SAMMSON: variants seen among roughly 807,000 people sequenced by gnomAD.
SAMMSON encodes survival associated mitochondrial melanoma specific oncogenic non-coding RNA, also known as long intergenic non-protein coding RNA 1212.
intron 9 of SAMMSON, among the ~76,000 whole-genome samples, chr3:70,368,186 C>G (rs1702936030): frequency 6.6e-6 from 1 of 151,412 alleles, no homozygotes; most frequent in African/African-American, 2.4e-5. Context: ...AACTCATCCT[C>G]AAATTCAAAG....
intron 3 of SAMMSON, among the ~76,000 whole-genome samples, chr3:70,034,274 C>A (rs1424300654): frequency 6.6e-6 from 1 of 152,098 alleles, no homozygotes; most frequent in African/African-American, 2.4e-5. Context: ...CACGATATTG[C>A]TATTCTCTAT....
intron 4 of SAMMSON, among the ~76,000 whole-genome samples, chr3:70,131,127 A>T (rs1355227596): frequency 6.6e-6 from 1 of 152,190 alleles, no homozygotes; most frequent in Admixed American, 6.5e-5. Flanking sequence ...AAAATAGAAG[A>T]TATATCATCT....
At chr3:70,339,367 C>G (rs1452457998) in intron 7 of SAMMSON, among the ~76,000 whole-genome samples, 1 of 152,102 alleles carries the variant, frequency 6.6e-6, no homozygotes, top group Non-Finnish European at 1.5e-5. Flanking sequence ...ACTAAAACAC[C>G]AAAAGCAATG....
In SAMMSON at chr3:70,366,103, G is replaced by A. The variant is rs1166041684; in HGVS notation, n.913+7779G>A. Among the ~76,000 whole-genome samples, 4 of 71,312 alleles carry A rather than the reference G, an allele frequency of 5.6e-5. 2 individuals are homozygous for A. In the Admixed American group the frequency reaches 6.8e-4, roughly 12 times the overall value. 46.8% of individuals were successfully genotyped at this position (71,312 alleles called of 152,430 possible). A position where few individuals can be genotyped will look rare whatever the true frequency, so the allele number is the denominator to read the frequency against. On this transcript the variant is annotated intron_variant and non_coding_transcript_variant, in intron 9 of 9. Coordinates refer to ENST00000642114, the Ensembl canonical transcript of SAMMSON. ...CTTCCCGGGTTCACGCCATTCTCCT[G>A]CCTCAGCCTCCCGAGTAGCTGGGAC...
chr3:70,337,207 CT>C (rs1449969124), intron 7 of SAMMSON, among the ~76,000 whole-genome samples: 1 of 146,544 alleles, frequency 6.8e-6, no homozygotes, highest in Non-Finnish European at 1.5e-5. Flanking sequence ...AATATATAAT[CT>C]AACTTAATAA....
In SAMMSON at chr3:70,414,110, C is replaced by T. The variant is rs538368370; in HGVS notation, n.234-48450C>T. On this transcript the variant is annotated intron_variant and non_coding_transcript_variant, in intron 2 of 3. Coordinates refer to the SAMMSON transcript ENST00000641053. ...AGATAACTTGGTTCTATTGAGAGGC[C>T]TCTGAAAATCTCTAGTTTCTGATCA... 5.3e-4 allele frequency among the ~76,000 whole-genome samples: 81 copies of T among 152,148 alleles called. No individual in the cohort carries two copies. The South Asian group carries it at 6.8e-3, about 13-fold the overall frequency.
At chr3:70,246,098 T>TA (rs1014599330) in intron 4 of SAMMSON, among the ~76,000 whole-genome samples, 42 of 150,410 alleles carry the variant, frequency 2.8e-4, no homozygotes, top group East Asian at 2.5e-3. Flanking sequence ...CTACACACCA[T>TA]AAAAAAAAAC....
At chr3:70,169,349 G>T (rs1175973004) in intron 4 of SAMMSON, among the ~76,000 whole-genome samples, 1 of 152,028 alleles carries the variant, frequency 6.6e-6, no homozygotes, top group Non-Finnish European at 1.5e-5. Flanking sequence ...AAAAGCATAT[G>T]ACGTTTTATG....
intron 4 of SAMMSON, among the ~76,000 whole-genome samples, chr3:70,080,292 C>G (rs747826578): frequency 2.0e-5 from 3 of 152,158 alleles, no homozygotes; most frequent in Non-Finnish European, 4.4e-5. Context: ...CTAGTCTGGT[C>G]CCTCCTTGCC....
intron 1 of SAMMSON, among the ~76,000 whole-genome samples, chr3:70,003,104 C>T (rs1035591895): frequency 2.0e-5 from 3 of 152,034 alleles, no homozygotes; most frequent in African/African-American, 7.2e-5. Context: ...TTATTTGCCT[C>T]TGTTTACTCC....
intron 6 of SAMMSON, among the ~76,000 whole-genome samples, chr3:70,266,614 T>A (rs939555882): frequency 9.9e-5 from 15 of 152,126 alleles, no homozygotes; most frequent in East Asian, 5.8e-4. Context: ...TTAATTTTTT[T>A]ATTTTTATTT....
At chr3:70,361,897 T>G (rs1702873702) in intron 9 of SAMMSON, among the ~76,000 whole-genome samples, 1 of 152,186 alleles carries the variant, frequency 6.6e-6, no homozygotes. Flanking sequence ...AACACTTTTC[T>G]GAGATGCTCT....
intron 7 of SAMMSON, among the ~76,000 whole-genome samples, chr3:70,309,949 T>A (rs1363838208): frequency 6.6e-6 from 1 of 152,192 alleles, no homozygotes; most frequent in Non-Finnish European, 1.5e-5. Flanking sequence ...GATTGGCCTA[T>A]CAATTTCATT....
rs200331507 is a variant in SAMMSON at position 70,341,863 on chromosome 3, T to C, written n.740-12312T>C. Among the ~76,000 whole-genome samples the C allele has an allele frequency of 1.9e-4, 29 of 152,342 alleles. 1 individual carries two copies. The East Asian group carries it at 5.2e-3, about 27-fold the overall frequency. On this transcript the variant is annotated intron_variant and non_coding_transcript_variant, in intron 7 of 9. Transcript: ENST00000642114. ...ATAAAAAAAAACTTTAAAAATATTG[T>C]TTATTGATATTGGATATACAAAAGA...
At chr3:70,342,102 T>C (rs183166036) in intron 7 of SAMMSON, among the ~76,000 whole-genome samples, 171 of 152,320 alleles carry the variant, frequency 1.1e-3, no homozygotes, top group African/African-American at 3.6e-3. Flanking sequence ...GTAGTCTGAA[T>C]ATAGCTTTTA....
intron 7 of SAMMSON, among the ~76,000 whole-genome samples, chr3:70,340,049 A>G (rs1233959191): frequency 6.6e-6 from 1 of 152,096 alleles, no homozygotes; most frequent in East Asian, 1.9e-4. Flanking sequence ...TGTGGCACAT[A>G]TACACCATGG....
intron 4 of SAMMSON, among the ~76,000 whole-genome samples, chr3:70,073,182 G>A (rs1344374539): frequency 6.6e-6 from 1 of 152,050 alleles, no homozygotes; most frequent in East Asian, 1.9e-4. Flanking sequence ...TAATGGCAAC[G>A]GCAAGACAGT....
intron 3 of SAMMSON, among the ~76,000 whole-genome samples, chr3:70,015,872 G>T (rs1246642711): frequency 1.3e-5 from 2 of 152,070 alleles, no homozygotes; most frequent in African/African-American, 4.8e-5. Flanking sequence ...CTTCATCCGT[G>T]TCCCTACAAA....
intron 4 of SAMMSON, among the ~76,000 whole-genome samples, chr3:70,188,576 T>C (rs914826589): frequency 6.6e-6 from 1 of 152,182 alleles, no homozygotes; most frequent in African/African-American, 2.4e-5. Flanking sequence ...AAAGTTGATA[T>C]GATGTGGGAT....
Sources: gnomAD v4.1 joint callset for allele counts (sites outside exome capture counted in the v4.1 genomes callset) on GRCh38, gnomAD v4.1.1 for gene constraint, MANE v1.5 for transcripts, NCBI Gene and HGNC (gene_info 2026-07-23, HGNC 2026-07-21) for gene names.